ATP10D: variants seen among roughly 807,000 people sequenced by gnomAD.
ATP10D encodes the protein phospholipid-transporting ATPase VD.
Under a neutral mutation model 144.8 loss-of-function variants are expected in ATP10D, and 89 were observed. The ratio of observed to expected loss-of-function variants is 0.61; its 90% CI spans 0.52 to 0.73. ATP10D has a LOEUF of 0.73. Ranked by LOEUF, ATP10D falls within the 30% of genes least tolerant of loss-of-function variation. The pLI, the probability that ATP10D is intolerant of heterozygous loss-of-function variation, is 0.00. For missense variants in ATP10D, 1,603 were observed against 1,714.8 expected (o/e 0.93, Z 1.15); for synonymous variants, 571 against 615.1 (o/e 0.93, Z 1.06).
At chr4:47,576,715 G>T in intron 18 of ATP10D, 58 bp from the exon 19 acceptor site, 1 of 1,524,640 alleles carries the variant, frequency 6.6e-7, no homozygotes, top group Non-Finnish European at 9.1e-7. Flanking sequence ...TTTGGAATGT[G>T]TAATCATAGC....
In ATP10D at chr4:47,563,680, A is replaced by G; in HGVS notation, c.2768A>G (p.Lys923Arg). Residue 923 changes from lysine (K) to arginine (R), a missense_variant, in exon 15 of 23, where the codon AAG (lysine) becomes AGG (arginine). Lys to Arg is a conservative substitution (Grantham distance 26, BLOSUM62 2). Coordinates refer to ENST00000273859, the MANE Select transcript of ATP10D (RefSeq NM_020453.4). Reference protein sequence around the residue: ...GIKIWMLTGDKQETAVNIAYA... With the variant: ...GIKIWMLTGDRQETAVNIAYA... ...AAGATCTGGATGCTGACAGGGGACAAGCAGGAGACAGCTGTCAACATAGCT... is the reference window on the plus strand; with the variant it reads ...AAGATCTGGATGCTGACAGGGGACAGGCAGGAGACAGCTGTCAACATAGCT... The G allele has an allele frequency of 6.2e-7, 1 of 1,614,040 alleles. No homozygotes were observed. Among genetic ancestry groups the G allele is most frequent in the Non-Finnish European group, 8.5e-7 (1 of 1,179,984 alleles).
chr4:47,566,315 T>C (rs1318742610), intron 15 of ATP10D, among the ~76,000 whole-genome samples: 4 of 152,256 alleles, frequency 2.6e-5, no homozygotes, highest in Non-Finnish European at 5.9e-5. Flanking sequence ...CATATCCTGT[T>C]TGTAACTAGT....
intron 17 of ATP10D, 28 bp downstream of exon 17, chr4:47,572,258 T>C: frequency 6.2e-7 from 1 of 1,603,780 alleles, no homozygotes; most frequent in East Asian, 2.2e-5. Flanking sequence ...ACCCAAGTTC[T>C]GTGGCCTTGA....
rs553998677 is a variant in ATP10D, at chr4:47,585,248, T to C, written c.3754-1771T>C. 2.0e-5 allele frequency among the ~76,000 whole-genome samples: 3 copies of C among 152,166 alleles called. No individual in the cohort carries two copies. In the East Asian group the frequency reaches 5.8e-4, roughly 29 times the overall value. On this transcript the variant is annotated intron_variant, in intron 21 of 22. Coordinates refer to ENST00000273859, the MANE Select transcript of ATP10D (RefSeq NM_020453.4). ...TTTATAACAGAGAATATTAATATTA[T>C]GAAGTTGGTGCCAAAAAAAAAACGC...
At chr4:47,502,363 C>T (rs961334165) in intron 1 of ATP10D, among the ~76,000 whole-genome samples, 6 of 151,614 alleles carry the variant, frequency 4.0e-5, no homozygotes, top group Admixed American at 6.6e-5. Context: ...TCCAGCTACT[C>T]GGGGGCTGAG....
rs117284030 is a variant in ATP10D, at chr4:47,574,948, G to A, written c.3367-1825G>A. ...CCTGAGAAGCTGGGCCTAAAGGCAC[G>A]CGCCACCATACTTAGCTAATTTCTG... On this transcript the variant is annotated intron_variant, in intron 18 of 22. Transcript: ENST00000273859. Among the ~76,000 whole-genome samples the A allele has an allele frequency of 8.6e-4, 131 of 152,074 alleles. No homozygotes were observed. The East Asian group carries it at 0.023, about 27-fold the overall frequency.
chr4:47,558,313 G>C (rs768588339), intron 12 of ATP10D, 40 bp downstream of exon 12: 6 of 1,585,696 alleles, frequency 3.8e-6, no homozygotes, highest in Non-Finnish European at 3.4e-6. Flanking sequence ...GATTTGAAAA[G>C]CTCGGAGATT....
At chr4:47,545,582 T>C (rs1252577706) in intron 9 of ATP10D, among the ~76,000 whole-genome samples, 3 of 144,000 alleles carry the variant, frequency 2.1e-5, no homozygotes, top group African/African-American at 7.6e-5. Flanking sequence ...ATGTTAGTTA[T>C]ACTTTGAAAA....
At chr4:47,558,369 C>T (rs4298115) in intron 12 of ATP10D, 96 bp downstream of exon 12, 599,164 of 1,472,716 alleles carry the variant, frequency 0.41, 124,026 homozygotes, top group Admixed American at 0.45. Flanking sequence ...AAACAGCTAT[C>T]TGGGGACTAA....
At chr4:47,499,488 A>G (rs1327033547) in intron 1 of ATP10D, among the ~76,000 whole-genome samples, 1 of 151,902 alleles carries the variant, frequency 6.6e-6, no homozygotes, top group Non-Finnish European at 1.5e-5. Context: ...ATCTTCATAA[A>G]GACAGATTTG....
chr4:47,499,237 T>C (rs1017429035), intron 1 of ATP10D, among the ~76,000 whole-genome samples: 8 of 152,306 alleles, frequency 5.3e-5, no homozygotes, highest in African/African-American at 1.9e-4. Context: ...ACAGAAACCA[T>C]GGAGTTCACA....
intron 21 of ATP10D, among the ~76,000 whole-genome samples, chr4:47,585,213 A>T (rs1045656699): frequency 2.0e-5 from 3 of 151,908 alleles, no homozygotes; most frequent in Admixed American, 2.0e-4. Flanking sequence ...CAAACCCTAG[A>T]CTCAGCTCTT....
At chr4:47,585,962 T>A (rs1410160170) in intron 21 of ATP10D, among the ~76,000 whole-genome samples, 1 of 152,130 alleles carries the variant, frequency 6.6e-6, no homozygotes, top group East Asian at 1.9e-4. Flanking sequence ...AGCATAGGAG[T>A]GCAGATATCT....
chr4:47,589,075 C>G (rs560978769), intron 22 of ATP10D, among the ~76,000 whole-genome samples: 1 of 152,136 alleles, frequency 6.6e-6, no homozygotes, highest in African/African-American at 2.4e-5. Flanking sequence ...GGAGATTTGA[C>G]ACAGAAGAGG....
intron 1 of ATP10D, among the ~76,000 whole-genome samples, chr4:47,502,353 T>C (rs1004767754): frequency 3.3e-5 from 5 of 151,856 alleles, no homozygotes; most frequent in South Asian, 2.1e-4. Context: ...CGCCTGTAGT[T>C]CCAGCTACTC....
At chr4:47,562,733 C>T (rs1719386387) in intron 14 of ATP10D, among the ~76,000 whole-genome samples, 1 of 152,096 alleles carries the variant, frequency 6.6e-6, no homozygotes, top group Admixed American at 6.5e-5. Context: ...AAAAAAGTAC[C>T]TGCAATCATA....
chr4:47,496,680 A>C (rs1024936804), intron 1 of ATP10D, among the ~76,000 whole-genome samples: 2 of 152,086 alleles, frequency 1.3e-5, no homozygotes, highest in African/African-American at 2.4e-5. Context: ...TCTGTCTTAA[A>C]TTCTTTTTTT....
intron 1 of ATP10D, among the ~76,000 whole-genome samples, chr4:47,488,128 G>A (rs753642979): frequency 9.9e-5 from 15 of 151,928 alleles, no homozygotes; most frequent in East Asian, 9.6e-4. Flanking sequence ...TGGAAACAAA[G>A]CCCCAATAAC....
intron 5 of ATP10D, among the ~76,000 whole-genome samples, chr4:47,535,167 G>A (rs547339874): frequency 1.7e-4 from 26 of 152,116 alleles, no homozygotes; most frequent in African/African-American, 6.3e-4. Flanking sequence ...CTAATTGAAG[G>A]TGGATGGTAA....
Sources: allele counts gnomAD v4.1 joint callset (sites outside exome capture counted in the v4.1 genomes callset), GRCh38; gene constraint gnomAD v4.1.1; transcripts MANE v1.5; gene names NCBI Gene and HGNC (gene_info 2026-07-23, HGNC 2026-07-21).